The following GNA14 variants were observed in gnomAD, a reference collection of about 807,000 sequenced individuals.
GNA14 encodes the protein G protein subunit alpha 14.
GNA14 carries 50 observed loss-of-function variants against 42.0 expected under a neutral mutation model. The observed-to-expected ratio is 1.19, with a 90% confidence interval of 0.95 to 1.51. GNA14 has a LOEUF of 1.51. Among genes scored for constraint, GNA14 ranks in the 40% most tolerant of loss-of-function variants. The pLI is 0.00. For synonymous variants in GNA14, 173 were observed against 163.1 expected, an observed-to-expected ratio of 1.06 and a Z score of -0.46; for missense variants, 473 against 446.2, an observed-to-expected ratio of 1.06 and a Z score of -0.54.
At chr9:77,625,066 C>G (rs1823991798) in intron 1 of GNA14, among the ~76,000 whole-genome samples, 1 of 151,288 alleles carries the variant, frequency 6.6e-6, no homozygotes, top group Admixed American at 6.6e-5. Context: ...ACATAAATGA[C>G]CTGATGGAGC....
intron 1 of GNA14, among the ~76,000 whole-genome samples, chr9:77,599,603 C>T (rs1823520931): frequency 6.6e-6 from 1 of 152,138 alleles, no homozygotes; most frequent in African/African-American, 2.4e-5. Flanking sequence ...GAGGCAAATG[C>T]CAGTTTTGTA....
intron 1 of GNA14, among the ~76,000 whole-genome samples, chr9:77,573,478 TAATA>T (rs932763950): frequency 7.9e-5 from 12 of 151,540 alleles, no homozygotes; most frequent in East Asian, 3.9e-4. Flanking sequence ...AATTTAAAAA[TAATA>T]AATAAATAAA....
intron 1 of GNA14, among the ~76,000 whole-genome samples, chr9:77,530,516 A>G (rs1301241974): frequency 1.3e-5 from 2 of 152,234 alleles, no homozygotes; most frequent in Non-Finnish European, 2.9e-5. Context: ...CAATGTGAAA[A>G]CAGACGAATA....
chr9:77,430,386 C>T (rs987295401), intron 4 of GNA14, among the ~76,000 whole-genome samples: 4 of 152,106 alleles, frequency 2.6e-5, no homozygotes, highest in Non-Finnish European at 5.9e-5. Flanking sequence ...TAAAACAAAA[C>T]GAATAAACAA....
At chr9:77,557,541 C>T (rs534966446) in intron 1 of GNA14, among the ~76,000 whole-genome samples, 62 of 152,226 alleles carry the variant, frequency 4.1e-4, no homozygotes, top group African/African-American at 1.3e-3. Flanking sequence ...GAATGGCCCA[C>T]GCTTGGGAAA....
chr9:77,444,811 C>T (rs1206561013), intron 2 of GNA14, among the ~76,000 whole-genome samples: 1 of 152,276 alleles, frequency 6.6e-6, no homozygotes, highest in Middle Eastern at 3.4e-3. Flanking sequence ...ACCTTAGGTC[C>T]AGGGGGAGGT....
chr9:77,612,592 C>T (rs768007824), intron 1 of GNA14, among the ~76,000 whole-genome samples: 1 of 151,770 alleles, frequency 6.6e-6, no homozygotes, highest in Non-Finnish European at 1.5e-5. Context: ...CTCAATATCA[C>T]TAATCATCAA....
At chr9:77,588,921 C>T (rs1270970847) in intron 1 of GNA14, among the ~76,000 whole-genome samples, 2 of 152,164 alleles carry the variant, frequency 1.3e-5, no homozygotes, top group Non-Finnish European at 1.5e-5. Context: ...CTAAAAGTGC[C>T]TGGGACACAT....
intron 2 of GNA14, among the ~76,000 whole-genome samples, chr9:77,441,547 G>A (rs943170529): frequency 6.6e-6 from 1 of 152,142 alleles, no homozygotes; most frequent in African/African-American, 2.4e-5. Context: ...TATTTCAAGT[G>A]TCTACTGTGA....
chr9:77,529,254 C>T lies in GNA14; in HGVS notation c.125-1G>A. On this transcript the variant is annotated splice_acceptor_variant, in intron 1 of 6. Coordinates refer to ENST00000341700, the MANE Select transcript of GNA14 (RefSeq NM_004297.4). LOFTEE classifies it high-confidence loss of function. ...GTGCTTTTCCCACTTTCACCAGTTC[C>T]TATAAGACAAAACAAGTGGAAAACG... 1 of 1,612,716 alleles carries T rather than the reference C, an allele frequency of 6.2e-7. No homozygotes were observed. The highest frequency in any genetic ancestry group is 8.5e-7 in the Non-Finnish European group (1 of 1,178,762).
intron 2 of GNA14, among the ~76,000 whole-genome samples, chr9:77,488,930 C>G (rs1836707671): frequency 6.6e-6 from 1 of 151,804 alleles, no homozygotes; most frequent in Non-Finnish European, 1.5e-5. Flanking sequence ...ATTGACAAAG[C>G]AAGGAGTCTG....
At chr9:77,634,577 C>A (rs12338265) in intron 1 of GNA14, among the ~76,000 whole-genome samples, 3,822 of 152,108 alleles carry the variant, frequency 0.025, 138 homozygotes, top group African/African-American at 0.078. Flanking sequence ...TTTTCCAAAT[C>A]TCATCTTATT....
chr9:77,608,855 A>T (rs1823684256), intron 1 of GNA14, among the ~76,000 whole-genome samples: 1 of 148,248 alleles, frequency 6.7e-6, no homozygotes, highest in Non-Finnish European at 1.5e-5. Flanking sequence ...TGCCCCCTTT[A>T]GTCCCAGCTG....
intron 1 of GNA14, among the ~76,000 whole-genome samples, chr9:77,586,124 C>T (rs1160535065): frequency 6.6e-6 from 1 of 152,142 alleles, no homozygotes; most frequent in Non-Finnish European, 1.5e-5. Flanking sequence ...GAAACTGGAA[C>T]AGATACATCA....
chr9:77,531,791 C>T (rs188595120), intron 1 of GNA14, among the ~76,000 whole-genome samples: 15 of 152,218 alleles, frequency 9.9e-5, no homozygotes, highest in African/African-American at 3.6e-4. Flanking sequence ...ACCACCAGCC[C>T]CAAACACACA....
intron 1 of GNA14, among the ~76,000 whole-genome samples, chr9:77,541,284 T>C (rs1837658268): frequency 1.3e-5 from 2 of 152,224 alleles, no homozygotes; most frequent in South Asian, 2.1e-4. Flanking sequence ...TTTTTCTTTA[T>C]TTATGAAGAG....
At chr9:77,609,132 A>G (rs2117939386) in intron 1 of GNA14, among the ~76,000 whole-genome samples, 1 of 152,316 alleles carries the variant, frequency 6.6e-6, no homozygotes, top group Middle Eastern at 3.4e-3. Context: ...GCAGTCAGGA[A>G]GAACCAAGGT....
At chr9:77,518,982 C>A (rs1030102946) in intron 2 of GNA14, among the ~76,000 whole-genome samples, 8 of 152,140 alleles carry the variant, frequency 5.3e-5, no homozygotes, top group African/African-American at 1.9e-4. Flanking sequence ...AAATCAAGGT[C>A]AAGTACACAA....
At chr9:77,509,717 A>G (rs2131748786) in intron 2 of GNA14, among the ~76,000 whole-genome samples, 1 of 152,308 alleles carries the variant, frequency 6.6e-6, no homozygotes, top group East Asian at 1.9e-4. Flanking sequence ...TAATCACAAG[A>G]CAAAGATTCT....
Sources: gnomAD v4.1 joint callset for allele counts (sites outside exome capture counted in the v4.1 genomes callset) on GRCh38, gnomAD v4.1.1 for gene constraint, MANE v1.5 for transcripts, NCBI Gene and HGNC (gene_info 2026-07-23, HGNC 2026-07-21) for gene names.